Variants in PASD1 observed in about 807,000 individuals in gnomAD.
PASD1 encodes the protein PAS domain containing repressor 1.
A neutral mutation model predicts 58.8 loss-of-function variants in PASD1; 13 were observed. The observed-to-expected ratio is 0.22, with a 90% CI of 0.14 to 0.35. The LOEUF is 0.35. Ranked by LOEUF, PASD1 falls within the 10% of genes least tolerant of loss-of-function variation. The pLI, the probability that PASD1 is intolerant of heterozygous loss-of-function variation, is 1.00. For missense variants in PASD1, 734 were observed against 568.3 expected, an observed-to-expected ratio of 1.29 and a Z score of -2.96; for synonymous variants, 236 against 216.7, an observed-to-expected ratio of 1.09 and a Z score of -0.78.
At chrX:151,595,064 A>G (rs946059199) in intron 1 of PASD1, among the ~76,000 whole-genome samples, 3 of 111,360 alleles carry the variant, frequency 2.7e-5, no homozygotes, top group South Asian at 3.8e-4. Context: ...TTGCTTTAAG[A>G]TTTCTGTTTA....
intron 9 of PASD1, among the ~76,000 whole-genome samples, chrX:151,653,835 C>T (rs1263526275): frequency 3.9e-5 from 1 of 25,577 alleles, no homozygotes; most frequent in African/African-American, 9.7e-5. Flanking sequence ...TCCTTCCTTC[C>T]TTCCTTCCTT....
chrX:151,636,694 G>A (rs902637914), intron 8 of PASD1, among the ~76,000 whole-genome samples: 9 of 111,816 alleles, frequency 8.0e-5, no homozygotes, highest in Admixed American at 1.9e-4. Flanking sequence ...ATGAGCCACC[G>A]TGCCCAGCCT....
chrX:151,564,311 G>A (rs1229702884), intron 1 of PASD1, among the ~76,000 whole-genome samples: 1 of 112,179 alleles, frequency 8.9e-6, no homozygotes. Context: ...CGCGTATATC[G>A]AGAGGTTTGC....
At chrX:151,653,799 T>C (rs12009255) in intron 9 of PASD1, among the ~76,000 whole-genome samples, 6,502 of 18,240 alleles carry the variant, frequency 0.36, 1,346 homozygotes, top group Non-Finnish European at 0.5. Flanking sequence ...TCTTTCTTTC[T>C]TTCCTTCCTT....
chrX:151,593,579 CT>C, intron 1 of PASD1, among the ~76,000 whole-genome samples: 1 of 111,212 alleles, frequency 9.0e-6, no homozygotes, highest in African/African-American at 3.3e-5. Context: ...TGAACCCATC[CT>C]TTTTTATGGC....
intron 1 of PASD1, among the ~76,000 whole-genome samples, chrX:151,597,309 A>G (rs1053406548): frequency 2.7e-5 from 3 of 111,845 alleles, no homozygotes; most frequent in East Asian, 5.6e-4. Flanking sequence ...TGTTTAGGTT[A>G]TTTTCTGTGG....
chrX:151,599,648 G>A (rs61671763), intron 1 of PASD1, among the ~76,000 whole-genome samples: 1,316 of 103,436 alleles, frequency 0.013, 21 homozygotes, highest in African/African-American at 0.045. Context: ...GGGCAGAGGC[G>A]CTCCTCACAT....
chrX:151,569,565 TC>T (rs2012897639), intron 1 of PASD1, among the ~76,000 whole-genome samples: 1 of 111,916 alleles, frequency 8.9e-6, no homozygotes, highest in Non-Finnish European at 1.9e-5. Flanking sequence ...TTTTATACAT[TC>T]CATAAGAAAC....
intron 9 of PASD1, among the ~76,000 whole-genome samples, chrX:151,656,289 G>C (rs2014240232): frequency 9.0e-6 from 1 of 111,635 alleles, no homozygotes; most frequent in Admixed American, 9.5e-5. Context: ...CAGGTAGCAT[G>C]ATGCCTCCAG....
chrX:151,578,600 A>C (rs1263697824), intron 1 of PASD1, among the ~76,000 whole-genome samples: 2 of 112,665 alleles, frequency 1.8e-5, no homozygotes, highest in Non-Finnish European at 3.7e-5. Context: ...TGCAGGCTTA[A>C]GAACTTTCTC....
intron 8 of PASD1, among the ~76,000 whole-genome samples, chrX:151,644,967 A>G (rs1457679780): frequency 8.1e-5 from 9 of 110,842 alleles, no homozygotes; most frequent in Non-Finnish European, 1.9e-5. Context: ...TTCTAAGAAC[A>G]TAATGACTCT....
At chrX:151,663,303 C>T (rs2014333411) in intron 10 of PASD1, among the ~76,000 whole-genome samples, 2 of 112,248 alleles carry the variant, frequency 1.8e-5, no homozygotes, top group Non-Finnish European at 3.8e-5. Context: ...AATCATATGA[C>T]ATCTAGCCTT....
intron 1 of PASD1, among the ~76,000 whole-genome samples, chrX:151,596,734 G>A (rs2013326401): frequency 8.9e-6 from 1 of 112,089 alleles, no homozygotes; most frequent in Non-Finnish European, 1.9e-5. Flanking sequence ...GATAATCAGA[G>A]TGTTCATGAA....
chrX:151,633,070 C>T (rs1052249643), intron 8 of PASD1, among the ~76,000 whole-genome samples: 1 of 111,508 alleles, frequency 9.0e-6, no homozygotes, highest in Admixed American at 9.5e-5. Flanking sequence ...AAGTTTGTGT[C>T]TGGTGATTTC....
intron 1 of PASD1, among the ~76,000 whole-genome samples, chrX:151,594,467 G>A (rs902745514): frequency 9.0e-6 from 1 of 110,667 alleles, no homozygotes; most frequent in Non-Finnish European, 1.9e-5. Flanking sequence ...TTTATTTGTT[G>A]TCTAGGCAGT....
chrX:151,570,457 C>T (rs1405510351), intron 1 of PASD1, among the ~76,000 whole-genome samples: 1 of 112,337 alleles, frequency 8.9e-6, no homozygotes, highest in Non-Finnish European at 1.9e-5. Flanking sequence ...AAATAAATTT[C>T]CTTTTAAAAA....
At chrX:151,669,983 G>C (rs12557130) in intron 11 of PASD1, among the ~76,000 whole-genome samples, 11,615 of 111,708 alleles carry the variant, frequency 0.1, 539 homozygotes, top group Admixed American at 0.22. Flanking sequence ...GTTTTCCATA[G>C]TGGCTGTACT....
intron 8 of PASD1, among the ~76,000 whole-genome samples, chrX:151,647,210 A>G (rs2014071769): frequency 8.9e-6 from 1 of 112,215 alleles, no homozygotes; most frequent in South Asian, 3.7e-4. Context: ...GGGATACGAC[A>G]TGGTCTGCAA....
intron 8 of PASD1, among the ~76,000 whole-genome samples, chrX:151,639,291 A>G (rs1374384793): frequency 8.9e-6 from 1 of 112,168 alleles, no homozygotes; most frequent in African/African-American, 3.2e-5. Flanking sequence ...AATCATACTT[A>G]TTACAATTTT....
Sources: gnomAD v4.1 joint callset for allele counts (sites outside exome capture counted in the v4.1 genomes callset) on GRCh38, gnomAD v4.1.1 for gene constraint, MANE v1.5 for transcripts, NCBI Gene and HGNC (gene_info 2026-07-23, HGNC 2026-07-21) for gene names.